Variants in ZNF618 observed in about 807,000 individuals in gnomAD.
The protein encoded by ZNF618 is neural precursor cell expressed, developmentally down-regulated 10.
In ZNF618, 34 loss-of-function variants were observed where a neutral mutation model predicts 103.0. That is an observed-to-expected ratio of 0.33 (90% CI 0.25 to 0.44). The LOEUF is 0.44. ZNF618 is among the 20% of genes least tolerant of loss of function. The pLI is 1.00. For missense variants in ZNF618, 1,059 were observed against 1,295.4 expected (o/e 0.82, Z 2.80); for synonymous variants, 551 against 542.2 (o/e 1.02, Z -0.23).
intron 1 of ZNF618, among the ~76,000 whole-genome samples, chr9:113,935,908 G>A (rs192809494): frequency 3.9e-5 from 6 of 152,278 alleles, no homozygotes; most frequent in Non-Finnish European, 8.8e-5. Flanking sequence ...GTGATAATGC[G>A]CTTATCCCAG....
intron 12 of ZNF618, among the ~76,000 whole-genome samples, chr9:114,034,772 A>G (rs1844433778): frequency 6.6e-6 from 1 of 152,116 alleles, no homozygotes; most frequent in Non-Finnish European, 1.5e-5. Flanking sequence ...TCCAAAGCAC[A>G]GCCGCTCTTG....
intron 4 of ZNF618, among the ~76,000 whole-genome samples, chr9:114,001,303 G>T (rs960409431): frequency 2.0e-5 from 3 of 151,332 alleles, no homozygotes; most frequent in African/African-American, 4.8e-5. Context: ...TTTACACCAT[G>T]TCGGTCTCTG....
At chr9:114,017,986 G>C (rs568840406) in intron 10 of ZNF618, among the ~76,000 whole-genome samples, 12 of 152,320 alleles carry the variant, frequency 7.9e-5, no homozygotes, top group African/African-American at 2.9e-4. Context: ...TCTCATCCCT[G>C]CTTGCCCCTC....
At chr9:113,952,049 C>T (rs577885762) in intron 1 of ZNF618, among the ~76,000 whole-genome samples, 12 of 152,134 alleles carry the variant, frequency 7.9e-5, no homozygotes, top group African/African-American at 1.7e-4. Flanking sequence ...GTTATGTGGA[C>T]GGGGCGTTTC....
At chr9:113,993,271 GGTTCATGGCAGTCCCAT>G (rs1227440709) in intron 3 of ZNF618, among the ~76,000 whole-genome samples, 1 of 152,152 alleles carries the variant, frequency 6.6e-6, no homozygotes, top group Non-Finnish European at 1.5e-5. Flanking sequence ...CCTCGCTCCG[GGTTCATGGCAGTCCCAT>G]GTTCATGGCA....
chr9:113,898,347 T>C (rs191045178), intron 1 of ZNF618, among the ~76,000 whole-genome samples: 1 of 152,220 alleles, frequency 6.6e-6, no homozygotes, highest in Admixed American at 6.5e-5. Context: ...ATTTATTCAT[T>C]CAAAATAAGG....
chr9:113,920,129 C>A lies in ZNF618; in HGVS notation c.33+43716C>A, dbSNP rs2131618422. On this transcript the variant is annotated intron_variant, in intron 1 of 14. Coordinates refer to ENST00000374126, the MANE Select transcript of ZNF618 (RefSeq NM_001318042.2). ...GAAGAGATCCCAGGTATCCCAAGTTCATTCTCCCTTGGGCCTTTGTACTCC... is the reference window on the plus strand; with the variant it reads ...GAAGAGATCCCAGGTATCCCAAGTTAATTCTCCCTTGGGCCTTTGTACTCC... Among the ~76,000 whole-genome samples the A allele has an allele frequency of 2.6e-5, 4 of 152,338 alleles. 1 individual carries two copies. The Middle Eastern group carries it at 0.014, about 518-fold the overall frequency.
intron 1 of ZNF618, among the ~76,000 whole-genome samples, chr9:113,880,280 C>T (rs941534366): frequency 6.6e-6 from 1 of 152,050 alleles, no homozygotes; most frequent in Non-Finnish European, 1.5e-5. Flanking sequence ...AATGAAGTGG[C>T]TCTTTTCAGG....
chr9:113,990,278 C>T (rs2133344380), intron 3 of ZNF618, among the ~76,000 whole-genome samples: 1 of 152,232 alleles, frequency 6.6e-6, no homozygotes, highest in East Asian at 1.9e-4. Flanking sequence ...ATTAGAGGGG[C>T]CCTGTCTGTG....
chr9:113,926,140 T>A (rs1180666125), intron 1 of ZNF618, among the ~76,000 whole-genome samples: 1 of 151,464 alleles, frequency 6.6e-6, no homozygotes, highest in Non-Finnish European at 1.5e-5. Context: ...ATCAGATTTC[T>A]AGGTTGGTGT....
At chr9:114,028,701 G>T in intron 10 of ZNF618, 32 bp from the exon 11 acceptor site, 1 of 1,535,766 alleles carries the variant, frequency 6.5e-7, no homozygotes, top group Non-Finnish European at 8.8e-7. Flanking sequence ...GGCTGGGAGG[G>T]CCCTCGGGGA....
chr9:113,896,407 A>G (rs2131137573), intron 1 of ZNF618, among the ~76,000 whole-genome samples: 1 of 152,148 alleles, frequency 6.6e-6, no homozygotes, highest in African/African-American at 2.4e-5. Context: ...CTTTTCAATA[A>G]GTGCTTATTT....
chr9:114,032,254 C>T (rs528193773), intron 11 of ZNF618, among the ~76,000 whole-genome samples: 1 of 152,312 alleles, frequency 6.6e-6, no homozygotes, highest in African/African-American at 2.4e-5. Flanking sequence ...TCGGTGGGGC[C>T]CGTGGCAGCA....
intron 1 of ZNF618, among the ~76,000 whole-genome samples, chr9:113,938,140 GTTT>G (rs1834188252): frequency 7.5e-6 from 1 of 133,072 alleles, no homozygotes; most frequent in Non-Finnish European, 1.6e-5. Flanking sequence ...GGTCTTTGAT[GTTT>G]TTAGGAAAGC....
Position 114,050,475 on chromosome 9 carries a change from CG to C in ZNF618, c.*309del, listed in dbSNP as rs1179171336. 3 of 271,990 alleles carry C rather than the reference CG, an allele frequency of 1.1e-5. No individual in the cohort carries two copies. The highest frequency in any genetic ancestry group is 2.1e-5 in the Non-Finnish European group (3 of 146,006). 16.8% of individuals were successfully genotyped at this position (271,990 alleles called of 1,614,324 possible). On this transcript the variant is annotated 3_prime_UTR_variant, in exon 15 of 15. Transcript: ENST00000374126. ...ACACACACACACACACACACACACA[CG>C]ACCCTGGTGCGTGTACATACGCCTG... is the stretch of plus-strand genomic sequence containing the variant.
chr9:113,930,013 C>G (rs992155103), intron 1 of ZNF618, among the ~76,000 whole-genome samples: 2 of 152,186 alleles, frequency 1.3e-5, no homozygotes, highest in Non-Finnish European at 2.9e-5. Context: ...CCTCTGATAA[C>G]AGCCTTGGCC....
chr9:113,956,209 C>CAAAAAAAAAAAAAAAAAAAAAAAAAAA (rs10537910), intron 1 of ZNF618, among the ~76,000 whole-genome samples: 1 of 44,532 alleles, frequency 2.2e-5, no homozygotes. Context: ...AACTCTGTCT[C>CAAAAAAAAAAAAAAAAAAAAAAAAAAA]AAAAAAAAAA....
At chr9:113,978,110 A>G (rs957557485) in intron 2 of ZNF618, among the ~76,000 whole-genome samples, 12 of 152,328 alleles carry the variant, frequency 7.9e-5, no homozygotes, top group African/African-American at 2.4e-4. Flanking sequence ...CTACTTGACT[A>G]TTTATTAAAA....
rs1340308924 is a variant in ZNF618, at chr9:113,984,902, G to A, written c.78-3419G>A. 5.3e-5 allele frequency among the ~76,000 whole-genome samples: 8 copies of A among 152,260 alleles called. No individual in the cohort carries two copies. In the East Asian group the frequency reaches 7.7e-4, roughly 15 times the overall value. ...TAGACAAAGTCCTTACTCCCTCACC[G>A]CCTGTATCCCATTACTGAACAGTGG... is the stretch of plus-strand genomic sequence containing the variant. On this transcript the variant is annotated intron_variant, in intron 2 of 14. Coordinates refer to ENST00000374126, the MANE Select transcript of ZNF618 (RefSeq NM_001318042.2).
Sources: allele counts gnomAD v4.1 joint callset (sites outside exome capture counted in the v4.1 genomes callset), GRCh38; gene constraint gnomAD v4.1.1; transcripts MANE v1.5; gene names NCBI Gene and HGNC (gene_info 2026-07-23, HGNC 2026-07-21).